The following TMEM108 variants were observed in gnomAD, a reference collection of about 807,000 sequenced individuals.
The protein encoded by TMEM108 is cancer/testis antigen 124.
TMEM108 carries 12 observed loss-of-function variants against 35.1 expected under a neutral mutation model. That is an observed-to-expected ratio of 0.34 (90% CI 0.22 to 0.55). The LOEUF is 0.55. Ranked by LOEUF, TMEM108 falls within the 20% of genes least tolerant of loss-of-function variation. The probability of loss-of-function intolerance (pLI) is 0.89; values close to 1 mark genes in which losing one functional copy is unlikely to be tolerated. For synonymous variants in TMEM108, 287 were observed against 308.6 expected, an observed-to-expected ratio of 0.93 and a Z score of 0.73; for missense variants, 680 against 753.3, an observed-to-expected ratio of 0.90 and a Z score of 1.14.
At chr3:133,237,118 G>A (rs986148056) in intron 3 of TMEM108, among the ~76,000 whole-genome samples, 2 of 152,058 alleles carry the variant, frequency 1.3e-5, no homozygotes, top group African/African-American at 4.8e-5. Context: ...AGAGTCATGG[G>A]TCAGGAATCT....
In TMEM108 at chr3:133,366,801, C is replaced by T. The variant is rs114396539; in HGVS notation, c.41-12951C>T. Among the ~76,000 whole-genome samples, 470 of 152,276 alleles carry T rather than the reference C, an allele frequency of 3.1e-3. 3 individuals carry two copies. Among genetic ancestry groups the T allele is most frequent in the African/African-American group, 0.011 (453 of 41,540 alleles). On this transcript the variant is annotated intron_variant, in intron 3 of 5. Transcript: ENST00000321871. The stretch of plus-strand genomic sequence containing the variant: ...GGGTTTTGTGAAGATTAAGATGATA[C>T]AGGGAAATTGATTAGTACAGTGTTG...
At chr3:133,339,577 T>G (rs2071602120) in intron 3 of TMEM108, among the ~76,000 whole-genome samples, 1 of 151,948 alleles carries the variant, frequency 6.6e-6, no homozygotes, top group South Asian at 2.1e-4. Flanking sequence ...GACATCAGAC[T>G]TAATATGCAC....
chr3:133,121,819 G>A (rs1944356298), intron 2 of TMEM108, among the ~76,000 whole-genome samples: 1 of 152,172 alleles, frequency 6.6e-6, no homozygotes, highest in Admixed American at 6.5e-5. Context: ...GAAAAAAGTA[G>A]GAGGACTATT....
intron 2 of TMEM108, among the ~76,000 whole-genome samples, chr3:133,056,112 T>G (rs1943462308): frequency 8.3e-6 from 1 of 120,026 alleles, no homozygotes; most frequent in African/African-American, 3.6e-5. Context: ...GCCTCAATTC[T>G]TATATCTTTA....
chr3:133,300,124 A>T (rs1200301385), intron 3 of TMEM108, among the ~76,000 whole-genome samples: 1 of 152,156 alleles, frequency 6.6e-6, no homozygotes, highest in Non-Finnish European at 1.5e-5. Flanking sequence ...TTTATCAAGC[A>T]TTGAAAGCCT....
intron 3 of TMEM108, among the ~76,000 whole-genome samples, chr3:133,288,713 A>C (rs1032359552): frequency 1.3e-5 from 2 of 152,172 alleles, no homozygotes; most frequent in Non-Finnish European, 2.9e-5. Flanking sequence ...ATGTATATTA[A>C]TTCATTAAGA....
chr3:133,092,484 G>T (rs1017553855), intron 2 of TMEM108, among the ~76,000 whole-genome samples: 3 of 152,002 alleles, frequency 2.0e-5, no homozygotes, highest in African/African-American at 7.2e-5. Flanking sequence ...TAGACTTTTA[G>T]AATTTTTTTT....
intron 2 of TMEM108, among the ~76,000 whole-genome samples, chr3:133,186,723 C>T (rs1038760433): frequency 1.3e-5 from 2 of 152,172 alleles, no homozygotes; most frequent in African/African-American, 4.8e-5. Flanking sequence ...AAAAGCTTTT[C>T]TAATTGTAGG....
At chr3:133,242,528 A>G (rs994791660) in intron 3 of TMEM108, among the ~76,000 whole-genome samples, 1 of 152,194 alleles carries the variant, frequency 6.6e-6, no homozygotes, top group African/African-American at 2.4e-5. Flanking sequence ...GCTCCCGGGA[A>G]GGGTGTGTGG....
In TMEM108 at chr3:133,187,357, A is replaced by G. The variant is rs151156472; in HGVS notation, c.-46-41909A>G. Among the ~76,000 whole-genome samples the G allele has an allele frequency of 1.7e-3, 253 of 152,254 alleles. 1 individual carries two copies. Among genetic ancestry groups the G allele is most frequent in the Non-Finnish European group, 2.8e-3 (193 of 68,014 alleles). ...GTTTAGAAACCATGAGAAGTTCTGTAATAGATTGGTGTTATACGGAGCTCT... is the reference window on the plus strand; with the variant it reads ...GTTTAGAAACCATGAGAAGTTCTGTGATAGATTGGTGTTATACGGAGCTCT... On this transcript the variant is annotated intron_variant, in intron 2 of 5. Transcript: ENST00000321871.
At chr3:133,143,692 A>G (rs1267657668) in intron 2 of TMEM108, among the ~76,000 whole-genome samples, 1 of 152,156 alleles carries the variant, frequency 6.6e-6, no homozygotes, top group African/African-American at 2.4e-5. Flanking sequence ...CCCCCTGGGT[A>G]GATTCTAAAT....
At chr3:133,245,223 G>A (rs1303182989) in intron 3 of TMEM108, among the ~76,000 whole-genome samples, 1 of 152,174 alleles carries the variant, frequency 6.6e-6, no homozygotes, top group Non-Finnish European at 1.5e-5. Context: ...CAGGATCCAA[G>A]CCTAGTTGAT....
intron 2 of TMEM108, among the ~76,000 whole-genome samples, chr3:133,077,662 C>T (rs1342524752): frequency 3.3e-5 from 5 of 152,202 alleles, no homozygotes; most frequent in African/African-American, 9.6e-5. Flanking sequence ...GAAATGAAAG[C>T]ACTTTCCCTT....
chr3:133,303,754 A>C (rs1283173558), intron 3 of TMEM108, among the ~76,000 whole-genome samples: 1 of 152,246 alleles, frequency 6.6e-6, no homozygotes, highest in Non-Finnish European at 1.5e-5. Flanking sequence ...ACTTTCTGCT[A>C]TCATAACAAG....
At chr3:133,043,627 A>G (rs76320380) in intron 1 of TMEM108, among the ~76,000 whole-genome samples, 3,891 of 152,134 alleles carry the variant, frequency 0.026, 82 homozygotes, top group South Asian at 0.062. Flanking sequence ...TTCTCCCCCA[A>G]TCTGACTTGA....
intron 3 of TMEM108, among the ~76,000 whole-genome samples, chr3:133,332,786 C>T (rs1184723525): frequency 1.3e-5 from 2 of 152,182 alleles, no homozygotes; most frequent in Non-Finnish European, 2.9e-5. Flanking sequence ...ATAGCATGTT[C>T]CTTTAACCAA....
chr3:133,263,566 C>T (rs746618713), intron 3 of TMEM108, among the ~76,000 whole-genome samples: 6 of 152,150 alleles, frequency 3.9e-5, no homozygotes, highest in Non-Finnish European at 5.9e-5. Context: ...ATTCTAATAA[C>T]ACTAAAAAGT....
At chr3:133,056,813 G>A (rs546216603) in intron 2 of TMEM108, among the ~76,000 whole-genome samples, 2 of 152,278 alleles carry the variant, frequency 1.3e-5, no homozygotes, top group African/African-American at 4.8e-5. Flanking sequence ...GCAATTTCAT[G>A]GCCACTGTCT....
intron 3 of TMEM108, among the ~76,000 whole-genome samples, chr3:133,262,391 G>A (rs1372679024): frequency 6.6e-6 from 1 of 152,204 alleles, no homozygotes; most frequent in Non-Finnish European, 1.5e-5. Context: ...GATTGCCAAG[G>A]AAGTTGCCCT....
Sources: allele counts gnomAD v4.1 joint callset (sites outside exome capture counted in the v4.1 genomes callset), GRCh38; gene constraint gnomAD v4.1.1; transcripts MANE v1.5; gene names NCBI Gene and HGNC (gene_info 2026-07-23, HGNC 2026-07-21).